The following EXOC6 variants were observed in gnomAD, a reference collection of about 807,000 sequenced individuals.
EXOC6 encodes the protein SEC15-like 1.
A neutral mutation model predicts 112.5 loss-of-function variants in EXOC6; 60 were observed. The ratio of observed to expected loss-of-function variants is 0.53; its 90% CI spans 0.43 to 0.66. The LOEUF is 0.66. Ranked by LOEUF, EXOC6 falls within the 30% of genes least tolerant of loss-of-function variation. EXOC6 has a pLI of 0.00. For synonymous variants in EXOC6, 295 were observed against 308.0 expected, an observed-to-expected ratio of 0.96 and a Z score of 0.44; for missense variants, 855 against 957.1, an observed-to-expected ratio of 0.89 and a Z score of 1.41.
chr10:92,892,018 A>G (rs1849526929), intron 1 of EXOC6, among the ~76,000 whole-genome samples: 1 of 152,188 alleles, frequency 6.6e-6, no homozygotes, highest in Non-Finnish European at 1.5e-5. Context: ...TGAAAAGATT[A>G]CTTGGCATGG....
chr10:92,838,883 C>T (rs1051661541), intron 1 of EXOC6, among the ~76,000 whole-genome samples: 7 of 152,082 alleles, frequency 4.6e-5, no homozygotes, highest in Non-Finnish European at 1.0e-4. Flanking sequence ...ACCAGCCTGA[C>T]CAACATGGCA....
chr10:92,886,565 G>A (rs975464231), intron 1 of EXOC6, among the ~76,000 whole-genome samples: 2 of 152,156 alleles, frequency 1.3e-5, no homozygotes, highest in African/African-American at 4.8e-5. Flanking sequence ...TCTGACTGGA[G>A]AGTCTATGTA....
At chr10:92,873,509 GAAGGGTCATAT>G (rs1408977105) in intron 1 of EXOC6, among the ~76,000 whole-genome samples, 1 of 151,956 alleles carries the variant, frequency 6.6e-6, no homozygotes, top group Non-Finnish European at 1.5e-5. Flanking sequence ...TTGATGCTTT[GAAGGGTCATAT>G]AATCCTTTAA....
At chr10:92,924,322 TAA>T (rs1818097738) in intron 8 of EXOC6, among the ~76,000 whole-genome samples, 1 of 152,204 alleles carries the variant, frequency 6.6e-6, no homozygotes, top group Non-Finnish European at 1.5e-5. Context: ...AAAACACCTT[TAA>T]ACAGCCAAAT....
chr10:92,890,793 A>G (rs961933055), intron 1 of EXOC6, among the ~76,000 whole-genome samples: 3 of 152,180 alleles, frequency 2.0e-5, no homozygotes, highest in African/African-American at 7.2e-5. Context: ...ATGGAGAGTA[A>G]GTAACAGGAA....
Position 92,848,609 on chromosome 10 carries a change from A to G in EXOC6, c.76A>G (p.Thr26Ala). 6.9e-7 allele frequency: 1 copy of G among 1,447,096 alleles called. No individual in the cohort carries two copies. Among genetic ancestry groups the G allele is most frequent in the African/African-American group, 1.5e-5 (1 of 67,016 alleles). The allele number at this position is 1,447,096 out of a possible 1,614,324, so 89.6% of individuals were successfully genotyped here. ...CTTGCAGGAGATCGAGAGCACCGAC[A>G]CCGCCTGTGTGGGGCCCACCCTCCG... The part of the protein sequence containing the change: ...RILQEIESTD[T>A]ACVGPTLRSV... Residue 26 changes from threonine to alanine, a missense_variant, in exon 1 of 22, where the codon ACC (threonine) becomes GCC (alanine). Coordinates refer to ENST00000260762, the MANE Select transcript of EXOC6 (RefSeq NM_019053.6).
intron 1 of EXOC6, among the ~76,000 whole-genome samples, chr10:92,868,402 G>A (rs761161375): frequency 1.4e-4 from 22 of 152,014 alleles, no homozygotes; most frequent in Non-Finnish European, 2.6e-4. Context: ...TGGGTTTCTT[G>A]GTTCTGTTCA....
chr10:92,839,677 A>C (rs1431151747), intron 1 of EXOC6, among the ~76,000 whole-genome samples: 1 of 152,130 alleles, frequency 6.6e-6, no homozygotes, highest in Non-Finnish European at 1.5e-5. Context: ...GGGGTCCTGC[A>C]GGTGTGTTGT....
At chr10:92,878,435 T>C (rs1188359416) in intron 1 of EXOC6, 1 of 152,266 alleles carries the variant, frequency 6.6e-6, no homozygotes, top group East Asian at 1.9e-4. Context: ...CTTTTTCCCA[T>C]GATTCTTCCC....
chr10:92,986,159 G>A (rs1842997358), intron 18 of EXOC6, among the ~76,000 whole-genome samples: 1 of 152,010 alleles, frequency 6.6e-6, no homozygotes, highest in Non-Finnish European at 1.5e-5. Flanking sequence ...GTTATATGTT[G>A]AATGTTGTTG....
At chr10:93,034,124 A>G (rs1054134378) in intron 20 of EXOC6, among the ~76,000 whole-genome samples, 9 of 152,188 alleles carry the variant, frequency 5.9e-5, no homozygotes, top group African/African-American at 1.7e-4. Flanking sequence ...TACTTCTGGG[A>G]GAGAGCTTTT....
At chr10:92,887,982 G>A (rs1426309029) in intron 1 of EXOC6, among the ~76,000 whole-genome samples, 1 of 152,176 alleles carries the variant, frequency 6.6e-6, no homozygotes, top group Non-Finnish European at 1.5e-5. Context: ...TCAGCTGTGA[G>A]TACAGCTTAT....
At chr10:93,054,505 T>A (rs953442026) in intron 20 of EXOC6, among the ~76,000 whole-genome samples, 3 of 152,108 alleles carry the variant, frequency 2.0e-5, no homozygotes, top group African/African-American at 7.2e-5. Context: ...GGCAGGTAGG[T>A]TTAATTTTGT....
chr10:92,838,267 A>G lies in EXOC6; in HGVS notation c.86+3443A>G, dbSNP rs904640443. On this transcript the variant is annotated intron_variant, in intron 1 of 21. Transcript: ENST00000371552. ...TTGTGGCGACCAAGAGTCATTGTCAATGGCCTATAATGCCTTTCACCCCAC... is the reference window on the plus strand; with the variant it reads ...TTGTGGCGACCAAGAGTCATTGTCAGTGGCCTATAATGCCTTTCACCCCAC... 5.9e-5 allele frequency among the ~76,000 whole-genome samples: 9 copies of G among 152,168 alleles called. No individual in the cohort carries two copies. In the East Asian group the frequency reaches 1.5e-3, roughly 26 times the overall value.
chr10:92,850,798 G>C (rs1847287771), intron 1 of EXOC6, among the ~76,000 whole-genome samples: 1 of 151,958 alleles, frequency 6.6e-6, no homozygotes, highest in South Asian at 2.1e-4. Flanking sequence ...TCTTTTAGCT[G>C]GCCTGTAGAC....
chr10:93,025,516 G>A (rs1371893859), intron 20 of EXOC6, among the ~76,000 whole-genome samples: 1 of 152,158 alleles, frequency 6.6e-6, no homozygotes, highest in Non-Finnish European at 1.5e-5. Context: ...TGAGTCAAGT[G>A]TACTATTTTC....
intron 2 of EXOC6, 71 bp downstream of exon 2, chr10:92,893,591 T>G: frequency 1.6e-6 from 2 of 1,245,054 alleles, no homozygotes; most frequent in East Asian, 2.3e-5. Context: ...ATAGTACATA[T>G]GTACAAGTCA....
chr10:92,846,328 C>G (rs1847052287), upstream of EXOC6, among the ~76,000 whole-genome samples: 1 of 152,178 alleles, frequency 6.6e-6, no homozygotes, highest in African/African-American at 2.4e-5. Flanking sequence ...CAGCTGGAGA[C>G]ATTGGTCAAA....
intron 18 of EXOC6, among the ~76,000 whole-genome samples, chr10:92,975,537 C>T (rs1013436694): frequency 6.7e-6 from 1 of 149,598 alleles, no homozygotes; most frequent in Admixed American, 6.6e-5. Context: ...GGGGGTCAGC[C>T]CCCCAGCCGC....
Sources: allele counts gnomAD v4.1 joint callset (sites outside exome capture counted in the v4.1 genomes callset), GRCh38; gene constraint gnomAD v4.1.1; transcripts MANE v1.5; gene names NCBI Gene and HGNC (gene_info 2026-07-23, HGNC 2026-07-21).